Variants in ULBP1 observed in about 807,000 individuals in gnomAD.
ULBP1 encodes UL16 binding protein 1, also known as UL16-binding protein 1.
ULBP1 carries 28 observed loss-of-function variants against 25.3 expected under a neutral mutation model. The observed-to-expected ratio is 1.10, with a 90% CI of 0.82 to 1.51. ULBP1 has a LOEUF of 1.51. Among genes scored for constraint, ULBP1 ranks in the 40% most tolerant of loss-of-function variants. ULBP1 has a pLI of 0.00. For missense variants in ULBP1, 348 were observed against 290.9 expected (o/e 1.20, Z -1.43); for synonymous variants, 129 against 103.0 (o/e 1.25, Z -1.53).
chr6:149,971,656 C>T lies in ULBP1; in HGVS notation c.*310C>T, dbSNP rs1033228201. 2.0e-5 allele frequency: 3 copies of T among 152,454 alleles called. No homozygotes were observed. Among genetic ancestry groups the T allele is most frequent in the African/African-American group, 4.8e-5 (2 of 41,356 alleles). The allele number at this position is 152,454 out of a possible 1,614,324, so 9.4% of individuals were successfully genotyped here. On this transcript the variant is annotated 3_prime_UTR_variant, in exon 5 of 5. Transcript: ENST00000229708. The stretch of plus-strand genomic sequence containing the variant: ...CACAAGTTTTAACTGAACAAGAAAT[C>T]CCAGCAAAAGGCATTTTTTTTTCTA...
rs1407374919 is a variant in ULBP1, at chr6:149,970,220, C to T, written c.*22+73C>T. The T allele has an allele frequency of 1.5e-5, 23 of 1,500,654 alleles. No homozygotes were observed. In the East Asian group the frequency reaches 5.2e-4, roughly 34 times the overall value. 93.0% of individuals were successfully genotyped at this position (1,500,654 alleles called of 1,614,324 possible). A position where few individuals can be genotyped will look rare whatever the true frequency, so the allele number is the denominator to read the frequency against. On this transcript the variant is annotated intron_variant, in intron 4 of 4. Transcript: ENST00000229708. ...TGGGAGGATGTGGAAGGAGAATTCCCAGAGTCCCAGAGGCCGGGAACTTCT... is the reference window on the plus strand; with the variant it reads ...TGGGAGGATGTGGAAGGAGAATTCCTAGAGTCCCAGAGGCCGGGAACTTCT...
intron 4 of ULBP1, 67 bp from the exon 5 acceptor site, chr6:149,971,302 G>A (rs961367405): frequency 8.3e-6 from 8 of 968,152 alleles, no homozygotes; most frequent in Non-Finnish European, 9.8e-6. Context: ...GCCTGGGAAG[G>A]ATCACCCAGG....
At position 149,969,304 on chromosome 6, in the gene ULBP1, G is replaced by T. The variant is rs1325790786; in HGVS notation, c.569G>T (p.Cys190Phe). The change falls in exon 3 of 5, where the codon TGT becomes TTT. Residue 190 changes from cysteine to phenylalanine, a missense_variant. Physicochemically the swap from Cys to Phe is radical, Grantham distance 205. Transcript: ENST00000229708. ...MFFQKISLGD[C>F]KMWLEEFLMY... Reference sequence around the variant, plus strand: ...TTCCAGAAGATTTCACTGGGGGATTGTAAGATGTGGCTTGAAGAATTTTTG... The same window carrying T: ...TTCCAGAAGATTTCACTGGGGGATTTTAAGATGTGGCTTGAAGAATTTTTG... The T allele has an allele frequency of 3.1e-6, 5 of 1,614,136 alleles. No homozygotes were observed. In the African/African-American group the frequency reaches 6.7e-5, roughly 22 times the overall value.
chr6:149,968,655 C>T lies in ULBP1; in HGVS notation c.134C>T (p.Pro45Leu), dbSNP rs1418159353. Residue 45 changes from proline (P) to leucine (L), a missense_variant, in exon 2 of 5, where the codon CCT (proline) becomes CTT (leucine). Pro to Leu is a moderately conservative substitution (Grantham distance 98). Coordinates refer to ENST00000229708, the MANE Select transcript of ULBP1 (RefSeq NM_025218.4). ...YDFIITPKSR[P>L]EPQWCEVQGL... Reference sequence around the variant, plus strand: ...TTCATCATCACTCCTAAGTCCAGACCTGAACCACAGTGGTGTGAAGTTCAA... The same window carrying T: ...TTCATCATCACTCCTAAGTCCAGACTTGAACCACAGTGGTGTGAAGTTCAA... 2 of 1,613,940 alleles carry T rather than the reference C, an allele frequency of 1.2e-6. No individual in the cohort carries two copies. Among genetic ancestry groups the T allele is most frequent in the Non-Finnish European group, 8.5e-7 (1 of 1,179,834 alleles).
Position 149,964,749 on chromosome 6 carries a change from A to G in ULBP1, c.85+615A>G, listed in dbSNP as rs192139793. ...CGCAGGCCAGGAGGCTTCTGGTAGC[A>G]CCGGCGCGATGCCCCCGAACATCGC... On this transcript the variant is annotated intron_variant, in intron 1 of 4. Transcript: ENST00000229708. Among the ~76,000 whole-genome samples the G allele has an allele frequency of 1.7e-3, 239 of 144,080 alleles. 2 individuals carry two copies. In the South Asian group the frequency reaches 0.023, roughly 14 times the overall value. 94.5% of individuals were successfully genotyped at this position (144,080 alleles called of 152,430 possible).
chr6:149,969,341 A>G lies in ULBP1; in HGVS notation c.606A>G (p.Glu202=), dbSNP rs1440291717. ...TTGAAGAATTTTTGATGTACTGGGAACAAATGCTGGATCCAACAAGTAAGT... is the reference window on the plus strand; with the variant it reads ...TTGAAGAATTTTTGATGTACTGGGAGCAAATGCTGGATCCAACAAGTAAGT... ...MWLEEFLMYW[E]QMLDPTKPPS... The change falls in exon 3 of 5, where the codon GAA becomes GAG. Residue 202 remains glutamate, a synonymous_variant. Coordinates refer to ENST00000229708, the MANE Select transcript of ULBP1 (RefSeq NM_025218.4). The G allele has an allele frequency of 1.2e-6, 2 of 1,613,276 alleles. No individual in the cohort carries two copies. The highest frequency in any genetic ancestry group is 1.7e-6 in the Non-Finnish European group (2 of 1,179,350).
intron 1 of ULBP1, among the ~76,000 whole-genome samples, chr6:149,964,357 C>G (rs1305077683): frequency 6.6e-6 from 1 of 151,630 alleles, no homozygotes; most frequent in Non-Finnish European, 1.5e-5. Flanking sequence ...GCGATCTCCC[C>G]GAACATCGTG....
chr6:149,964,066 GC>G lies in ULBP1; in HGVS notation c.21del (p.Ala8ArgfsTer87). 1.9e-6 allele frequency: 3 copies of G among 1,614,208 alleles called. No homozygotes were observed. The highest frequency in any genetic ancestry group is 2.5e-6 in the Non-Finnish European group (3 of 1,180,044). Reference sequence around the variant, plus strand: ...AGGTCTACAATGGCAGCGGCCGCCAGCCCCGCGTTCCTTCTGTGCCTCCCGC... The same window carrying G: ...AGGTCTACAATGGCAGCGGCCGCCAGCCCGCGTTCCTTCTGTGCCTCCCGC... MAAAA[S>X]PAFLLCLPLL... On this transcript the variant is annotated frameshift_variant, in exon 1 of 5. Coordinates refer to ENST00000229708, the MANE Select transcript of ULBP1 (RefSeq NM_025218.4). LOFTEE classifies it high-confidence loss of function.
intron 4 of ULBP1, 140 bp from the exon 5 acceptor site, chr6:149,971,228 CA>C: frequency 2.0e-6 from 1 of 511,770 alleles, no homozygotes; most frequent in Non-Finnish European, 2.5e-6. Context: ...GGTACAGAGC[CA>C]GGGGTAGTGT....
At chr6:149,966,847 A>C (rs1779212643) in intron 1 of ULBP1, among the ~76,000 whole-genome samples, 1 of 152,186 alleles carries the variant, frequency 6.6e-6, no homozygotes, top group South Asian at 2.1e-4. Flanking sequence ...GCTTCTGAGC[A>C]CTAGGGGATC....
rs560013288 is a variant in ULBP1, at chr6:149,964,025, C to A, written c.-25C>A. 1 of 1,613,172 alleles carries A rather than the reference C, an allele frequency of 6.2e-7. No individual in the cohort carries two copies. The highest frequency in any genetic ancestry group is 2.2e-5 in the East Asian group (1 of 44,874). On this transcript the variant is annotated 5_prime_UTR_variant, in exon 1 of 5. In the 5' UTR this introduces an upstream ATG that the reference lacks. Transcript: ENST00000229708. ...CCTCGAAGGGAACCATCAGCGCCTC[C>A]TGTCCACGGAGCTCCAGGTCTACAA...
At position 149,972,177 on chromosome 6, in the gene ULBP1, TAAATA is replaced by T. The variant is rs1441994922; in HGVS notation, c.*838_*842del. The T allele has an allele frequency of 1.3e-5, 2 of 152,012 alleles. No individual in the cohort carries two copies. Among genetic ancestry groups the T allele is most frequent in the Non-Finnish European group, 2.9e-5 (2 of 67,980 alleles). The allele number at this position is 152,012 out of a possible 1,614,324, so 9.4% of individuals were successfully genotyped here. A position where few individuals can be genotyped will look rare whatever the true frequency, so the allele number is the denominator to read the frequency against. ...TTACATTCATGATTATTTTATTTAG[TAAATA>T]AAATAATAGAGAGCCCAGAAATCAA... On this transcript the variant is annotated 3_prime_UTR_variant, in exon 5 of 5. Transcript: ENST00000229708.
At chr6:149,964,684 C>G (rs73779710) in intron 1 of ULBP1, among the ~76,000 whole-genome samples, 1 of 147,344 alleles carries the variant, frequency 6.8e-6, no homozygotes, top group African/African-American at 2.5e-5. Context: ...CTCCGCGGCT[C>G]CTTTCCGCCG....
At chr6:149,968,551 G>A (rs1779244253) in intron 1 of ULBP1, 56 bp from the exon 2 acceptor site, 2 of 1,562,550 alleles carry the variant, frequency 1.3e-6, no homozygotes, top group Non-Finnish European at 1.7e-6. Context: ...TGGGAGGAGG[G>A]GATACAGGTT....
intron 1 of ULBP1, among the ~76,000 whole-genome samples, chr6:149,964,945 C>T (rs1039642023): frequency 1.4e-5 from 2 of 144,602 alleles, no homozygotes; most frequent in South Asian, 2.2e-4. Context: ...TGCGATCTCC[C>T]CGAACATCGC....
rs1438931896 is a variant in ULBP1, at chr6:149,972,679, A to G, written c.*1333A>G. Reference sequence around the variant, plus strand: ...TCAACAAGCAAGAAGAAAAAACCCAATTAAAATTGGGCAAAGGCATGAACA... The same window carrying G: ...TCAACAAGCAAGAAGAAAAAACCCAGTTAAAATTGGGCAAAGGCATGAACA... On this transcript the variant is annotated 3_prime_UTR_variant, in exon 5 of 5. Transcript: ENST00000229708. 1 of 152,226 alleles carries G rather than the reference A, an allele frequency of 6.6e-6. No individual in the cohort carries two copies. The highest frequency in any genetic ancestry group is 2.4e-5 in the African/African-American group (1 of 41,454). 9.4% of individuals were successfully genotyped at this position (152,226 alleles called of 1,614,324 possible).
chr6:149,971,220 T>C (rs772941561), intron 4 of ULBP1, 149 bp from the exon 5 acceptor site: 2 of 463,262 alleles, frequency 4.3e-6, no homozygotes, highest in Non-Finnish European at 5.6e-6. Flanking sequence ...TGGAACAGGG[T>C]ACAGAGCCAG....
At position 149,963,962 on chromosome 6, in the gene ULBP1, G is replaced by GC; in HGVS notation, c.-86dup. 1 of 1,378,676 alleles carries GC rather than the reference G, an allele frequency of 7.3e-7. No individual in the cohort carries two copies. The highest frequency in any genetic ancestry group is 1.0e-6 in the Non-Finnish European group (1 of 992,716). The allele number at this position is 1,378,676 out of a possible 1,614,324, so 85.4% of individuals were successfully genotyped here. ...CCCAGTGTATCCCTGCGCGCGGCGG[G>GC]CCGGGCTGGGCAGCTTTATAAACAG... On this transcript the variant is annotated 5_prime_UTR_variant, in exon 1 of 5. Coordinates refer to ENST00000229708, the MANE Select transcript of ULBP1 (RefSeq NM_025218.4).
At chr6:149,969,684 C>G (rs1465367707) in intron 3 of ULBP1, among the ~76,000 whole-genome samples, 1 of 152,220 alleles carries the variant, frequency 6.6e-6, no homozygotes, top group East Asian at 1.9e-4. Context: ...CCTCTCCCCT[C>G]ATCGGTTTCT....
Sources: gnomAD v4.1 joint callset for allele counts (sites outside exome capture counted in the v4.1 genomes callset) on GRCh38, gnomAD v4.1.1 for gene constraint, MANE v1.5 for transcripts, NCBI Gene and HGNC (gene_info 2026-07-23, HGNC 2026-07-21) for gene names.